The following TDRD3 variants were observed in gnomAD, a reference collection of about 807,000 sequenced individuals.
TDRD3 encodes tudor domain-containing protein 3.
Under a neutral mutation model 86.7 loss-of-function variants are expected in TDRD3, and 45 were observed. The observed-to-expected ratio is 0.52, with a 90% confidence interval of 0.41 to 0.67. The LOEUF is 0.67. Among genes scored for constraint, TDRD3 ranks in the 30% least tolerant of loss-of-function variants. The pLI, the probability that TDRD3 is intolerant of heterozygous loss-of-function variation, is 0.00. For synonymous variants in TDRD3, 298 were observed against 301.7 expected (o/e 0.99, Z 0.13); for missense variants, 814 against 889.0 (o/e 0.92, Z 1.07).
intron 4 of TDRD3, 42 bp from the exon 5 acceptor site, chr13:60,467,196 C>G (rs1383467060): frequency 6.2e-7 from 1 of 1,607,494 alleles, no homozygotes; most frequent in Non-Finnish European, 8.5e-7. Flanking sequence ...TCCATGTGTT[C>G]TCAGCTTCAA....
intron 12 of TDRD3, among the ~76,000 whole-genome samples, chr13:60,564,627 G>A (rs1367901234): frequency 1.3e-5 from 2 of 152,238 alleles, no homozygotes; most frequent in Admixed American, 6.5e-5. Flanking sequence ...CTCATCTGTC[G>A]AATCTAGAAG....
Position 60,510,002 on chromosome 13 carries a change from G to A in TDRD3, c.1015+83G>A. 5 of 1,487,892 alleles carry A rather than the reference G, an allele frequency of 3.4e-6. No individual in the cohort carries two copies. In the South Asian group the frequency reaches 5.5e-5, roughly 16 times the overall value. The allele number at this position is 1,487,892 out of a possible 1,614,324, so 92.2% of individuals were successfully genotyped here. Reference sequence around the variant, plus strand: ...GTTATTGACAGAGGCTGTTATTTCTGTGAGGGCTGTAATTTTGTTTAACAT... The same window carrying A: ...GTTATTGACAGAGGCTGTTATTTCTATGAGGGCTGTAATTTTGTTTAACAT... On this transcript the variant is annotated intron_variant, in intron 9 of 13. Transcript: ENST00000377881.
chr13:60,518,896 C>T (rs542399995), intron 10 of TDRD3, among the ~76,000 whole-genome samples: 24 of 152,096 alleles, frequency 1.6e-4, no homozygotes, highest in South Asian at 1.0e-3. Flanking sequence ...TTATTAGGGG[C>T]GTTTCTAAAT....
intron 3 of TDRD3, among the ~76,000 whole-genome samples, chr13:60,451,399 G>C (rs557646380): frequency 6.6e-6 from 1 of 152,312 alleles, no homozygotes; most frequent in South Asian, 2.1e-4. Context: ...ACAAGAAATA[G>C]TGTTAGATGC....
chr13:60,473,363 G>T (rs1411092196), intron 5 of TDRD3, among the ~76,000 whole-genome samples: 1 of 152,176 alleles, frequency 6.6e-6, no homozygotes, highest in African/African-American at 2.4e-5. Context: ...TTCAATATAA[G>T]TTTTGGAGAG....
At chr13:60,410,080 C>T (rs1954324287) in intron 1 of TDRD3, among the ~76,000 whole-genome samples, 1 of 152,146 alleles carries the variant, frequency 6.6e-6, no homozygotes, top group Non-Finnish European at 1.5e-5. Context: ...TTTGCTTCGT[C>T]CTCATTTTTC....
At chr13:60,454,747 A>G (rs1594952494) in intron 3 of TDRD3, among the ~76,000 whole-genome samples, 1 of 152,082 alleles carries the variant, frequency 6.6e-6, no homozygotes, top group East Asian at 1.9e-4. Flanking sequence ...AGATGCGTAC[A>G]TGGATGACAT....
intron 1 of TDRD3, among the ~76,000 whole-genome samples, chr13:60,415,906 T>C (rs967945602): frequency 3.9e-5 from 6 of 152,182 alleles, no homozygotes; most frequent in Admixed American, 1.3e-4. Flanking sequence ...TTCATCAATA[T>C]ATCTTTTTCT....
intron 12 of TDRD3, among the ~76,000 whole-genome samples, chr13:60,557,206 CAAAAAAA>C (rs138618410): frequency 5.9e-5 from 7 of 117,776 alleles, no homozygotes; most frequent in South Asian, 2.7e-4. Flanking sequence ...AACTCTGTCT[CAAAAAAA>C]AAAAAAAAAA....
chr13:60,515,298 G>A (rs1957145019), intron 10 of TDRD3, among the ~76,000 whole-genome samples: 9 of 152,104 alleles, frequency 5.9e-5, no homozygotes, highest in Admixed American at 5.2e-4. Context: ...AGGCAGACTT[G>A]AAAACACTAT....
At chr13:60,562,754 T>A (rs1199585090) in intron 12 of TDRD3, among the ~76,000 whole-genome samples, 1 of 152,208 alleles carries the variant, frequency 6.6e-6, no homozygotes, top group Non-Finnish European at 1.5e-5. Flanking sequence ...ATGATTCAAT[T>A]TTATTAAATT....
intron 5 of TDRD3, among the ~76,000 whole-genome samples, chr13:60,469,495 T>TG (rs1468674410): frequency 1.4e-4 from 21 of 152,176 alleles, no homozygotes; most frequent in Admixed American, 1.4e-3. Flanking sequence ...TTGAAATGTT[T>TG]AATTATATGT....
intron 1 of TDRD3, among the ~76,000 whole-genome samples, chr13:60,405,241 T>C (rs1343951439): frequency 6.6e-6 from 1 of 152,172 alleles, no homozygotes; most frequent in African/African-American, 2.4e-5. Flanking sequence ...AGTCCTGGGA[T>C]TACAGATGTG....
At chr13:60,434,690 AGT>A (rs1207973327) in intron 1 of TDRD3, among the ~76,000 whole-genome samples, 2 of 151,680 alleles carry the variant, frequency 1.3e-5, no homozygotes, top group Non-Finnish European at 2.9e-5. Context: ...TCCATTAGAG[AGT>A]GAAAAAAAAA....
intron 12 of TDRD3, among the ~76,000 whole-genome samples, chr13:60,557,819 G>GGTTTT (rs1491187240): frequency 1.1e-5 from 1 of 89,936 alleles, no homozygotes; most frequent in Non-Finnish European, 2.6e-5. Flanking sequence ...TTTTTTTCCT[G>GGTTTT]ATTTTTTTTT....
chr13:60,445,627 A>G (rs1955380185), intron 3 of TDRD3, among the ~76,000 whole-genome samples: 1 of 152,186 alleles, frequency 6.6e-6, no homozygotes, highest in Admixed American at 6.6e-5. Flanking sequence ...TTTCTGATTC[A>G]GTAGGACTAG....
intron 5 of TDRD3, among the ~76,000 whole-genome samples, chr13:60,469,500 A>G (rs1195087864): frequency 2.0e-5 from 3 of 152,022 alleles, no homozygotes; most frequent in Non-Finnish European, 4.4e-5. Flanking sequence ...ATGTTTAATT[A>G]TATGTCTCTG....
Position 60,528,434 on chromosome 13 carries a change from A to AGT in TDRD3, c.1210_1211dup (p.Lys405Ter), listed in dbSNP as rs757016955. The AGT allele has an allele frequency of 6.2e-7, 1 of 1,609,344 alleles. No individual in the cohort carries two copies. Among genetic ancestry groups the AGT allele is most frequent in the Non-Finnish European group, 8.5e-7 (1 of 1,177,434 alleles). ...GATCATCAAATACTGAGCAAAATGG[A>AGT]GTAAAAGATAATAATCATCTGAGAC... On this transcript the variant is annotated frameshift_variant, in exon 11 of 14. Transcript: ENST00000377881. LOFTEE classifies it high-confidence loss of function.
At chr13:60,521,899 A>G (rs1957294818) in intron 10 of TDRD3, among the ~76,000 whole-genome samples, 1 of 151,370 alleles carries the variant, frequency 6.6e-6, no homozygotes, top group Non-Finnish European at 1.5e-5. Flanking sequence ...CTCCGTTTCA[A>G]AAAAAAAAGA....
Sources: gnomAD v4.1 joint callset for allele counts (sites outside exome capture counted in the v4.1 genomes callset) on GRCh38, gnomAD v4.1.1 for gene constraint, MANE v1.5 for transcripts, NCBI Gene and HGNC (gene_info 2026-07-23, HGNC 2026-07-21) for gene names.